Variants in NKAIN2 observed in about 807,000 individuals in gnomAD.
NKAIN2 encodes the protein sodium/potassium-transporting ATPase subunit beta-1-interacting protein 2.
A neutral mutation model predicts 32.6 loss-of-function variants in NKAIN2; 14 were observed. That is an observed-to-expected ratio of 0.43 (90% CI 0.28 to 0.67). NKAIN2 has a LOEUF of 0.67. Among genes scored for constraint, NKAIN2 ranks in the 30% least tolerant of loss-of-function variants. The pLI is 0.17. For synonymous variants in NKAIN2, 80 were observed against 87.2 expected, an observed-to-expected ratio of 0.92 and a Z score of 0.46; for missense variants, 198 against 258.3, an observed-to-expected ratio of 0.77 and a Z score of 1.60.
intron 4 of NKAIN2, among the ~76,000 whole-genome samples, chr6:124,742,721 GA>G (rs753810926): frequency 6.6e-6 from 1 of 151,686 alleles, no homozygotes; most frequent in Non-Finnish European, 1.5e-5. Context: ...CCCCTCCCTA[GA>G]AAGTTACACT....
chr6:124,770,254 C>T (rs1010650158), intron 4 of NKAIN2, among the ~76,000 whole-genome samples: 1 of 152,198 alleles, frequency 6.6e-6, no homozygotes, highest in Admixed American at 6.5e-5. Context: ...AGATGCAACT[C>T]CAGCCCTTTT....
chr6:123,900,267 C>T (rs112318373), intron 1 of NKAIN2, among the ~76,000 whole-genome samples: 1,700 of 151,978 alleles, frequency 0.011, 20 homozygotes, highest in Non-Finnish European at 0.017. Flanking sequence ...GTCAGGAGAT[C>T]GAGACCATCC....
intron 4 of NKAIN2, among the ~76,000 whole-genome samples, chr6:124,749,433 C>A (rs1777606210): frequency 6.6e-6 from 1 of 151,866 alleles, no homozygotes. Flanking sequence ...GGGGACCTCA[C>A]CCTGCCTATC....
intron 1 of NKAIN2, among the ~76,000 whole-genome samples, chr6:124,236,098 T>C (rs1216871241): frequency 6.6e-6 from 1 of 152,138 alleles, no homozygotes; most frequent in Non-Finnish European, 1.5e-5. Context: ...GTAAAGACTA[T>C]ATTTTAATAT....
At chr6:124,660,317 A>T (rs1328055192) in intron 4 of NKAIN2, among the ~76,000 whole-genome samples, 1 of 152,308 alleles carries the variant, frequency 6.6e-6, no homozygotes, top group South Asian at 2.1e-4. Flanking sequence ...GAATTAGTTT[A>T]TGTGTGTATG....
intron 3 of NKAIN2, among the ~76,000 whole-genome samples, chr6:124,517,698 C>A (rs1778967056): frequency 1.3e-5 from 2 of 152,052 alleles, no homozygotes; most frequent in Admixed American, 6.6e-5. Flanking sequence ...AAATTTTTTT[C>A]TGCAGAAGAA....
chr6:124,626,251 G>A (rs1262130552), intron 3 of NKAIN2, among the ~76,000 whole-genome samples: 5 of 151,928 alleles, frequency 3.3e-5, no homozygotes, highest in East Asian at 3.9e-4. Flanking sequence ...AGTAAGTGGG[G>A]TAAATCAAAG....
At chr6:124,557,570 G>A (rs1780522954) in intron 3 of NKAIN2, among the ~76,000 whole-genome samples, 1 of 152,124 alleles carries the variant, frequency 6.6e-6, no homozygotes, top group Non-Finnish European at 1.5e-5. Flanking sequence ...AGACAATACA[G>A]AACCTGAAAG....
chr6:124,036,047 C>G (rs533436534), intron 1 of NKAIN2, among the ~76,000 whole-genome samples: 1 of 152,200 alleles, frequency 6.6e-6, no homozygotes, highest in Admixed American at 6.5e-5. Context: ...TTGTTTCTTC[C>G]TTAAGATTCA....
chr6:124,365,059 A>G (rs963626745), intron 3 of NKAIN2, among the ~76,000 whole-genome samples: 4 of 151,946 alleles, frequency 2.6e-5, no homozygotes, highest in African/African-American at 9.7e-5. Flanking sequence ...AAAACTAAGT[A>G]TAGGTGAAAA....
intron 3 of NKAIN2, among the ~76,000 whole-genome samples, chr6:124,491,448 A>T (rs775444731): frequency 6.6e-6 from 1 of 151,914 alleles, no homozygotes; most frequent in Non-Finnish European, 1.5e-5. Flanking sequence ...CAGAAAATAA[A>T]TGTCATTGAA....
intron 2 of NKAIN2, among the ~76,000 whole-genome samples, chr6:124,295,280 G>A (rs769201325): frequency 7.7e-5 from 11 of 143,578 alleles, no homozygotes; most frequent in Admixed American, 2.1e-4. Context: ...CCTTTGTGTC[G>A]TTTTCCTTCT....
intron 1 of NKAIN2, among the ~76,000 whole-genome samples, chr6:124,046,048 G>A (rs547953641): frequency 1.3e-5 from 2 of 151,984 alleles, no homozygotes; most frequent in South Asian, 4.1e-4. Context: ...GTTCAAAAGA[G>A]GGAAGAGAAC....
chr6:124,098,042 G>A (rs1274833622), intron 1 of NKAIN2, among the ~76,000 whole-genome samples: 2 of 152,088 alleles, frequency 1.3e-5, no homozygotes, highest in African/African-American at 4.8e-5. Context: ...TGAGCTACTG[G>A]GGAAGAGGAG....
chr6:124,806,729 G>A (rs1175146723), intron 5 of NKAIN2, among the ~76,000 whole-genome samples: 5 of 152,002 alleles, frequency 3.3e-5, no homozygotes. Context: ...TCAGTGTGCT[G>A]TATTCAGGAA....
At chr6:124,551,772 C>T (rs2114868642) in intron 3 of NKAIN2, among the ~76,000 whole-genome samples, 1 of 152,214 alleles carries the variant, frequency 6.6e-6, no homozygotes, top group East Asian at 1.9e-4. Flanking sequence ...AAAAATAAAA[C>T]CTATTCTGTA....
At chr6:124,081,989 C>G (rs1463890912) in intron 1 of NKAIN2, among the ~76,000 whole-genome samples, 1 of 151,890 alleles carries the variant, frequency 6.6e-6, no homozygotes, top group African/African-American at 2.4e-5. Flanking sequence ...TTCAATCCAC[C>G]CCTGCCCTTA....
chr6:123,972,699 T>C (rs578057730), intron 1 of NKAIN2, among the ~76,000 whole-genome samples: 3 of 152,148 alleles, frequency 2.0e-5, no homozygotes, highest in Admixed American at 6.6e-5. Flanking sequence ...AGCCATCAAC[T>C]TTAAAACCAA....
chr6:124,255,723 A>C lies in NKAIN2; in HGVS notation c.55-27282A>C, dbSNP rs532924575. ...TTGTGTTGCTCATTGATGCACAAACAAACCACATGAATCTCTATTTGCTCA... is the reference window on the plus strand; with the variant it reads ...TTGTGTTGCTCATTGATGCACAAACCAACCACATGAATCTCTATTTGCTCA... On this transcript the variant is annotated intron_variant, in intron 1 of 6. Transcript: ENST00000368417. 1.1e-4 allele frequency among the ~76,000 whole-genome samples: 16 copies of C among 152,336 alleles called. No homozygotes were observed. In the South Asian group the frequency reaches 3.3e-3, roughly 32 times the overall value.
Sources: allele counts gnomAD v4.1 joint callset (sites outside exome capture counted in the v4.1 genomes callset), GRCh38; gene constraint gnomAD v4.1.1; transcripts MANE v1.5; gene names NCBI Gene and HGNC (gene_info 2026-07-23, HGNC 2026-07-21).